SMC6: variants seen among roughly 807,000 people sequenced by gnomAD.
SMC6 encodes structural maintenance of chromosomes protein 6.
In SMC6, 79 loss-of-function variants were observed where a neutral mutation model predicts 142.2. The observed-to-expected ratio is 0.56, with a 90% confidence interval of 0.46 to 0.67. The LOEUF is 0.67. Ranked by LOEUF, SMC6 falls within the 30% of genes least tolerant of loss-of-function variation. SMC6 has a pLI of 0.00. For missense variants in SMC6, 1,072 were observed against 1,284.0 expected (o/e 0.83, Z 2.52); for synonymous variants, 411 against 412.4 (o/e 1.00, Z 0.04).
At chr2:17,718,791 C>T (rs1459058993) in intron 11 of SMC6, among the ~76,000 whole-genome samples, 1 of 151,978 alleles carries the variant, frequency 6.6e-6, no homozygotes. Flanking sequence ...TGGCAGGAGA[C>T]GAGATGAAGG....
Position 17,677,648 on chromosome 2 carries a change from T to C in SMC6, c.2910+1211A>G, listed in dbSNP as rs560609925. ...TTTTGTAATTTCCCTGGCTTTTTTA[T>C]AGTCTGCAGTGAGAACAATAGACTA... is the stretch of plus-strand genomic sequence containing the variant. On this transcript the variant is annotated intron_variant, in intron 25 of 27. Transcript: ENST00000448223. Among the ~76,000 whole-genome samples the C allele has an allele frequency of 2.0e-4, 31 of 152,316 alleles. No individual in the cohort carries two copies. In the South Asian group the frequency reaches 6.0e-3, roughly 30 times the overall value.
chr2:17,715,650 A>C (rs1669048282), intron 15 of SMC6, among the ~76,000 whole-genome samples: 1 of 152,180 alleles, frequency 6.6e-6, no homozygotes, highest in Admixed American at 6.5e-5. Flanking sequence ...TATATGTAAG[A>C]GTGAAGTAAC....
intron 24 of SMC6, chr2:17,681,595 T>G (rs1161352697): frequency 1.3e-5 from 2 of 152,282 alleles, no homozygotes; most frequent in East Asian, 1.9e-4. Context: ...TCTCAGGGAA[T>G]AGGGAGACCC....
intron 2 of SMC6, chr2:17,746,376 A>G (rs1296887450): frequency 6.5e-6 from 1 of 152,834 alleles, no homozygotes; most frequent in Non-Finnish European, 1.5e-5. Flanking sequence ...TACTAAACTC[A>G]CAAAAGGTAA....
Position 17,745,857 on chromosome 2 carries a change from A to T in SMC6, c.90T>A (p.Gly30=). ...QEELEDFDKD[G]DEDECKGTTL... ...TAGTACCTTTACATTCGTCTTCGTC[A>T]CCATCTTTATCAAAATCCTCCAATT... The change falls in exon 3 of 28, where the codon GGT becomes GGA. Residue 30 remains glycine, a synonymous_variant. Transcript: ENST00000448223. The T allele has an allele frequency of 6.2e-7, 1 of 1,612,268 alleles. No individual in the cohort carries two copies. The highest frequency in any genetic ancestry group is 1.7e-5 in the Admixed American group (1 of 59,732).
intron 1 of SMC6, among the ~76,000 whole-genome samples, chr2:17,753,410 T>G (rs1375842824): frequency 9.0e-6 from 1 of 111,596 alleles, no homozygotes; most frequent in Admixed American, 8.1e-5. Flanking sequence ...AGGAGACCGG[T>G]GCCGCCTCGG....
At chr2:17,718,017 G>T in intron 12 of SMC6, 60 bp downstream of exon 12, 2 of 1,478,024 alleles carry the variant, frequency 1.4e-6, no homozygotes, top group Non-Finnish European at 1.8e-6. Context: ...AAGGATAGAA[G>T]AACAGCCTTT....
At chr2:17,730,417 G>C (rs1490640858) in intron 7 of SMC6, among the ~76,000 whole-genome samples, 1 of 148,664 alleles carries the variant, frequency 6.7e-6, no homozygotes, top group Non-Finnish European at 1.5e-5. Flanking sequence ...AAAAAAAGGA[G>C]TTTAGCAACT....
In SMC6 at chr2:17,665,656, T is replaced by C. The variant is rs950663250; in HGVS notation, c.3162-43A>G. 6.2e-6 allele frequency: 8 copies of C among 1,296,894 alleles called. No individual in the cohort carries two copies. The African/African-American group carries it at 1.1e-4, about 17-fold the overall frequency. 80.3% of individuals were successfully genotyped at this position (1,296,894 alleles called of 1,614,324 possible). ...AATTACTCAAATTTCCAAGAAACCT[T>C]TTACCAATTAAAAAAAATTCTAATA... On this transcript the variant is annotated intron_variant, in intron 27 of 27. Transcript: ENST00000448223.
chr2:17,714,371 G>C (rs1340459672), intron 16 of SMC6, among the ~76,000 whole-genome samples: 2 of 152,108 alleles, frequency 1.3e-5, no homozygotes, highest in African/African-American at 4.8e-5. Flanking sequence ...TGGGATTACA[G>C]GCATGAGCCC....
chr2:17,707,279 T>A lies in SMC6; in HGVS notation c.1946A>T (p.Tyr649Phe). The A allele has an allele frequency of 6.2e-7, 1 of 1,603,088 alleles. No individual in the cohort carries two copies. Among genetic ancestry groups the A allele is most frequent in the Non-Finnish European group, 8.5e-7 (1 of 1,175,348 alleles). The change falls in exon 18 of 28, where the codon TAT becomes TTT. Residue 649 changes from tyrosine (Y) to phenylalanine (F), a missense_variant. Physicochemically the swap from Tyr to Phe is conservative, Grantham distance 22 (BLOSUM62 3). Transcript: ENST00000448223. ...AGGTCTTGTATTTTCAGATGAATAATAACGTCCTGCAAAAACTTGATCACC... is the reference window on the plus strand; with the variant it reads ...AGGTCTTGTATTTTCAGATGAATAAAAACGTCCTGCAAAAACTTGATCACC... ...ADGDQVFAGRYYSSENTRPKF... is the reference protein window; with the variant it reads ...ADGDQVFAGRFYSSENTRPKF...
intron 5 of SMC6, among the ~76,000 whole-genome samples, chr2:17,736,007 AG>A (rs771349129): frequency 2.6e-5 from 4 of 152,236 alleles, no homozygotes; most frequent in Non-Finnish European, 5.9e-5. Flanking sequence ...ACTCCTTCAT[AG>A]ACTTTAGATG....
intron 7 of SMC6, among the ~76,000 whole-genome samples, chr2:17,728,465 G>C (rs1572339406): frequency 1.3e-5 from 2 of 152,230 alleles, no homozygotes; most frequent in East Asian, 3.9e-4. Flanking sequence ...GGAGGCCAAG[G>C]CCGAGGTGTG....
rs1347692882 is a variant in SMC6, at chr2:17,731,138, G to A, written c.483C>T (p.Gly161=). ...CTTCTTTCCTCGTGGAAACCACGGA[G>A]CCTAGTTATAAGAAACATATGAAAT... ...SRSYKLKSAT[G]SVVSTRKEEL... The change falls in exon 7 of 28, where the codon GGC becomes GGT. Residue 161 remains glycine, a splice_region_variant and synonymous_variant. Coordinates refer to ENST00000448223, the MANE Select transcript of SMC6 (RefSeq NM_001142286.2). 1 of 1,609,240 alleles carries A rather than the reference G, an allele frequency of 6.2e-7. No homozygotes were observed. Among genetic ancestry groups the A allele is most frequent in the Non-Finnish European group, 8.5e-7 (1 of 1,176,964 alleles).
intron 23 of SMC6, among the ~76,000 whole-genome samples, chr2:17,686,524 C>T (rs893995901): frequency 5.9e-5 from 9 of 152,126 alleles, no homozygotes; most frequent in African/African-American, 2.2e-4. Flanking sequence ...ACTTCAAAAT[C>T]TGAAACATTT....
chr2:17,675,108 TTTTTG>T (rs1414577078), intron 25 of SMC6, among the ~76,000 whole-genome samples: 1 of 151,960 alleles, frequency 6.6e-6, no homozygotes, highest in African/African-American at 2.4e-5. Flanking sequence ...TAATTGAGTA[TTTTTG>T]TTTTCCATTC....
intron 25 of SMC6, 57 bp from the exon 26 acceptor site, chr2:17,670,632 A>T (rs1666709984): frequency 7.6e-6 from 11 of 1,440,806 alleles, no homozygotes; most frequent in South Asian, 1.4e-5. Context: ...AGGCCAGATT[A>T]AATTCTTTAC....
At chr2:17,714,643 T>C (rs1668991494) in intron 16 of SMC6, among the ~76,000 whole-genome samples, 1 of 152,186 alleles carries the variant, frequency 6.6e-6, no homozygotes, top group Non-Finnish European at 1.5e-5. Flanking sequence ...TCTGTTTCCC[T>C]GTAATGTCTC....
chr2:17,750,563 G>A (rs1374001435), intron 2 of SMC6, among the ~76,000 whole-genome samples: 2 of 152,148 alleles, frequency 1.3e-5, no homozygotes, highest in Admixed American at 1.3e-4. Context: ...CCAAATCCAG[G>A]TTTGTCAAAA....
Sources: gnomAD v4.1 joint callset for allele counts (sites outside exome capture counted in the v4.1 genomes callset) on GRCh38, gnomAD v4.1.1 for gene constraint, MANE v1.5 for transcripts, NCBI Gene and HGNC (gene_info 2026-07-23, HGNC 2026-07-21) for gene names.